Variants in FAM222A observed in about 807,000 individuals in gnomAD.
The protein encoded by FAM222A is family with sequence similarity 222 member A.
Under a neutral mutation model 25.8 loss-of-function variants are expected in FAM222A, and 7 were observed. That is an observed-to-expected ratio of 0.27 (90% CI 0.15 to 0.51). The LOEUF (loss-of-function observed/expected upper bound fraction) is 0.51, where lower values mean the gene tolerates loss of function less well. Ranked by LOEUF, FAM222A falls within the 20% of genes least tolerant of loss-of-function variation. FAM222A has a pLI of 0.97. For missense variants in FAM222A, 573 were observed against 640.5 expected, an observed-to-expected ratio of 0.89 and a Z score of 1.14; for synonymous variants, 294 against 298.8, an observed-to-expected ratio of 0.98 and a Z score of 0.17.
chr12:109,756,227 CATT>C (rs1422180917), intron 2 of FAM222A, among the ~76,000 whole-genome samples: 2 of 152,102 alleles, frequency 1.3e-5, no homozygotes, highest in Non-Finnish European at 2.9e-5. Context: ...TTTTTGGACT[CATT>C]GTGAATAAAT....
At chr12:109,728,353 T>G (rs1053759923) in intron 1 of FAM222A, among the ~76,000 whole-genome samples, 1 of 152,132 alleles carries the variant, frequency 6.6e-6, no homozygotes, top group Non-Finnish European at 1.5e-5. Context: ...CCCAAAGAGA[T>G]AACACGGGGA....
intron 2 of FAM222A, among the ~76,000 whole-genome samples, chr12:109,752,118 G>A (rs1466941702): frequency 6.6e-6 from 1 of 152,200 alleles, no homozygotes; most frequent in Non-Finnish European, 1.5e-5. Flanking sequence ...CTGTCCCCCT[G>A]TCAAGACTCC....
chr12:109,737,710 C>T (rs1456540241), intron 1 of FAM222A, among the ~76,000 whole-genome samples: 5 of 152,140 alleles, frequency 3.3e-5, no homozygotes, highest in African/African-American at 4.8e-5. Flanking sequence ...TCAGCAGTGC[C>T]GGTGTGACTT....
intron 1 of FAM222A, among the ~76,000 whole-genome samples, chr12:109,740,237 C>G (rs940349734): frequency 1.3e-5 from 2 of 152,168 alleles, no homozygotes; most frequent in African/African-American, 4.8e-5. Flanking sequence ...AAGGACACAT[C>G]GACAGCTGGG....
intron 1 of FAM222A, among the ~76,000 whole-genome samples, chr12:109,724,537 C>T (rs1417253236): frequency 6.6e-6 from 1 of 152,146 alleles, no homozygotes; most frequent in Non-Finnish European, 1.5e-5. Flanking sequence ...CAGCAGCCCA[C>T]CCTCCTCGGG....
rs770466470 is a variant in FAM222A, at chr12:109,768,524, A to G, written c.595A>G (p.Ile199Val). The change falls in exon 3 of 3, where the codon ATC becomes GTC. Residue 199 changes from isoleucine to valine, a missense_variant. By Grantham distance (29) the Ile-to-Val change is conservative. Coordinates refer to ENST00000538780, the MANE Select transcript of FAM222A (RefSeq NM_032829.3). ...CCTGCCACCTTCCAACCTGCCCTCCATCCACAGCCTCCTGTACCAGCTCAA... is the reference window on the plus strand; with the variant it reads ...CCTGCCACCTTCCAACCTGCCCTCCGTCCACAGCCTCCTGTACCAGCTCAA... The part of the protein sequence containing the change: ...LPLPPSNLPS[I>V]HSLLYQLNQQ... The G allele has an allele frequency of 5.0e-6, 8 of 1,606,182 alleles. No homozygotes were observed. The Admixed American group carries it at 1.0e-4, about 20-fold the overall frequency.
intron 2 of FAM222A, among the ~76,000 whole-genome samples, chr12:109,764,791 T>C (rs1888996810): frequency 6.6e-6 from 1 of 152,234 alleles, no homozygotes; most frequent in African/African-American, 2.4e-5. Flanking sequence ...GGTCCCTTTT[T>C]TGCGGGACTC....
At chr12:109,740,531 TG>T (rs959087856) in intron 1 of FAM222A, among the ~76,000 whole-genome samples, 4 of 152,020 alleles carry the variant, frequency 2.6e-5, no homozygotes, top group African/African-American at 9.7e-5. Flanking sequence ...CTCCTGCAGA[TG>T]GGATGATGCC....
intron 1 of FAM222A, among the ~76,000 whole-genome samples, chr12:109,740,380 C>T (rs774764154): frequency 2.6e-5 from 4 of 152,182 alleles, no homozygotes; most frequent in Admixed American, 6.5e-5. Context: ...CCCTGCCCCC[C>T]CTTTTTTTAT....
chr12:109,747,701 A>G (rs1434963418), intron 2 of FAM222A, among the ~76,000 whole-genome samples: 1 of 128,988 alleles, frequency 7.8e-6, no homozygotes, highest in Non-Finnish European at 1.7e-5. Context: ...TTATTTCTGG[A>G]TAGTTTAGCT....
intron 2 of FAM222A, among the ~76,000 whole-genome samples, chr12:109,767,294 G>A (rs1889081133): frequency 6.6e-6 from 1 of 152,062 alleles, no homozygotes; most frequent in Non-Finnish European, 1.5e-5. Context: ...TTGGGAGGCT[G>A]AGGCAGGAGG....
At chr12:109,746,225 A>C (rs1225461810) in intron 2 of FAM222A, among the ~76,000 whole-genome samples, 1 of 152,192 alleles carries the variant, frequency 6.6e-6, no homozygotes, top group East Asian at 1.9e-4. Context: ...ACAGTGGCTC[A>C]TGCCTGTAAT....
rs1887809995 is a variant in FAM222A, at chr12:109,724,714, C to T, written c.-47+9817C>T. Among the ~76,000 whole-genome samples the T allele has an allele frequency of 1.3e-5, 2 of 152,164 alleles. 1 individual carries two copies. The highest frequency in any genetic ancestry group is 1.3e-4 in the Admixed American group (2 of 15,286). On this transcript the variant is annotated intron_variant, in intron 1 of 2. Transcript: ENST00000538780. Reference sequence around the variant, plus strand: ...TTTCTTCCTCTGTAAAATGGGAGTGCTGGACGTAAAGTGCTTCTCTGCTTG... The same window carrying T: ...TTTCTTCCTCTGTAAAATGGGAGTGTTGGACGTAAAGTGCTTCTCTGCTTG...
chr12:109,735,375 C>T (rs1201547578), intron 1 of FAM222A, among the ~76,000 whole-genome samples: 2 of 152,318 alleles, frequency 1.3e-5, no homozygotes, highest in African/African-American at 2.4e-5. Flanking sequence ...GTCTTTCTCC[C>T]GGTTGTGGCG....
chr12:109,735,740 G>T (rs1045644411), intron 1 of FAM222A: 4 of 152,214 alleles, frequency 2.6e-5, no homozygotes, highest in African/African-American at 9.7e-5. Flanking sequence ...GGGGGCTTTC[G>T]GCTGAGCTCA....
At chr12:109,739,773 C>T (rs2136335973) in intron 1 of FAM222A, among the ~76,000 whole-genome samples, 1 of 152,362 alleles carries the variant, frequency 6.6e-6, no homozygotes, top group Admixed American at 6.5e-5. Flanking sequence ...GAGGGACTGA[C>T]TGGCATTGGC....
At chr12:109,718,999 C>T (rs1887700431) in intron 1 of FAM222A, among the ~76,000 whole-genome samples, 1 of 152,206 alleles carries the variant, frequency 6.6e-6, no homozygotes, top group Non-Finnish European at 1.5e-5. Context: ...GGGCTTGCAT[C>T]CCTGTGGGCA....
chr12:109,744,667 C>T (rs1482583682), intron 2 of FAM222A: 3 of 985,320 alleles, frequency 3.0e-6, no homozygotes, highest in Non-Finnish European at 3.6e-6. Flanking sequence ...CTTGCTTTTT[C>T]ACTGGGACCT....
At chr12:109,758,366 C>T (rs548503544) in intron 2 of FAM222A, among the ~76,000 whole-genome samples, 9 of 152,316 alleles carry the variant, frequency 5.9e-5, no homozygotes, top group Admixed American at 2.6e-4. Flanking sequence ...GACTGACATG[C>T]ATTCTGTCAT....
Sources: gnomAD v4.1 joint callset for allele counts (sites outside exome capture counted in the v4.1 genomes callset) on GRCh38, gnomAD v4.1.1 for gene constraint, MANE v1.5 for transcripts, NCBI Gene and HGNC (gene_info 2026-07-23, HGNC 2026-07-21) for gene names.